Variants in NPAS3 observed in about 807,000 individuals in gnomAD.
The protein encoded by NPAS3 is neuronal PAS domain-containing protein 3.
A neutral mutation model predicts 73.1 loss-of-function variants in NPAS3; 14 were observed. The observed-to-expected ratio is 0.19, with a 90% CI of 0.13 to 0.30. NPAS3 has a LOEUF of 0.30. Among genes scored for constraint, NPAS3 ranks in the 10% least tolerant of loss-of-function variants. NPAS3 has a pLI of 1.00. For missense variants in NPAS3, 1,096 were observed against 1,250.0 expected (o/e 0.88, Z 1.86); for synonymous variants, 620 against 541.5 (o/e 1.14, Z -2.01).
chr14:33,597,823 G>A (rs2057290419), intron 5 of NPAS3, among the ~76,000 whole-genome samples: 1 of 152,122 alleles, frequency 6.6e-6, no homozygotes, highest in Admixed American at 6.6e-5. Context: ...GCCTTGAATT[G>A]GAATTTTTCA....
chr14:33,356,697 T>C (rs140890376), intron 3 of NPAS3, among the ~76,000 whole-genome samples: 215 of 152,366 alleles, frequency 1.4e-3, no homozygotes, highest in African/African-American at 4.8e-3. Flanking sequence ...TTGGGGTCTA[T>C]GGCTGTGTTT....
chr14:33,456,049 T>C (rs892822929), intron 4 of NPAS3, among the ~76,000 whole-genome samples: 1 of 152,234 alleles, frequency 6.6e-6, no homozygotes, highest in African/African-American at 2.4e-5. Context: ...TTGTCATGTA[T>C]TGATGATCCC....
At chr14:33,248,656 A>T (rs938670461) in intron 3 of NPAS3, among the ~76,000 whole-genome samples, 1 of 152,182 alleles carries the variant, frequency 6.6e-6, no homozygotes, top group Non-Finnish European at 1.5e-5. Context: ...TCCACAGTAA[A>T]GGTTTCATGT....
intron 5 of NPAS3, among the ~76,000 whole-genome samples, chr14:33,624,418 C>A (rs1942737676): frequency 6.6e-6 from 1 of 152,110 alleles, no homozygotes; most frequent in Non-Finnish European, 1.5e-5. Flanking sequence ...TTGTGAATCT[C>A]TGAAATTGAC....
chr14:33,754,958 G>A (rs1253308593), intron 7 of NPAS3, among the ~76,000 whole-genome samples: 1 of 152,162 alleles, frequency 6.6e-6, no homozygotes. Flanking sequence ...CTTTAGATAG[G>A]GACAGTGAGA....
chr14:33,572,750 C>T (rs1037553641), intron 5 of NPAS3, among the ~76,000 whole-genome samples: 3 of 152,074 alleles, frequency 2.0e-5, no homozygotes, highest in South Asian at 2.1e-4. Flanking sequence ...CTTGGCCAGG[C>T]GCAGTGGCAC....
At chr14:33,617,679 G>A (rs1469834099) in intron 5 of NPAS3, among the ~76,000 whole-genome samples, 1 of 152,192 alleles carries the variant, frequency 6.6e-6, no homozygotes, top group African/African-American at 2.4e-5. Context: ...GAATGAATGG[G>A]CAAAAGCTGT....
At chr14:33,542,229 G>A (rs2054554514) in intron 4 of NPAS3, among the ~76,000 whole-genome samples, 1 of 152,168 alleles carries the variant, frequency 6.6e-6, no homozygotes, top group African/African-American at 2.4e-5. Flanking sequence ...CGTTTAGGCA[G>A]GGTCTTTCTC....
intron 6 of NPAS3, among the ~76,000 whole-genome samples, chr14:33,700,779 T>G (rs2060503919): frequency 6.6e-6 from 1 of 152,228 alleles, no homozygotes. Context: ...AGTATTTTAT[T>G]GAAATGGGGT....
chr14:33,388,348 T>A (rs1046661606), intron 4 of NPAS3, among the ~76,000 whole-genome samples: 4 of 152,126 alleles, frequency 2.6e-5, no homozygotes, highest in African/African-American at 7.2e-5. Context: ...GATTTCAGCA[T>A]GATGGGCAGG....
intron 6 of NPAS3, among the ~76,000 whole-genome samples, chr14:33,683,424 T>C (rs1388377137): frequency 2.8e-5 from 2 of 71,330 alleles, no homozygotes; most frequent in Non-Finnish European, 4.9e-5. Context: ...TTTTTCCTCA[T>C]TTCAAAAAAA....
chr14:33,540,774 T>C (rs1366471378), intron 4 of NPAS3, among the ~76,000 whole-genome samples: 1 of 152,022 alleles, frequency 6.6e-6, no homozygotes, highest in African/African-American at 2.4e-5. Flanking sequence ...GAAAATAAAA[T>C]GTAAACATAA....
At chr14:33,339,841 T>C (rs2044390313) in intron 3 of NPAS3, among the ~76,000 whole-genome samples, 1 of 152,228 alleles carries the variant, frequency 6.6e-6, no homozygotes, top group South Asian at 2.1e-4. Flanking sequence ...TAAGAAAATC[T>C]AATGTCTATA....
chr14:33,774,206 G>A (rs1329541242), intron 7 of NPAS3, 131 bp from the exon 8 acceptor site: 2 of 656,138 alleles, frequency 3.0e-6, no homozygotes, highest in East Asian at 2.8e-5. Flanking sequence ...CATGCCGACA[G>A]CCATTATGAT....
intron 3 of NPAS3, among the ~76,000 whole-genome samples, chr14:33,311,733 A>G (rs2043010555): frequency 6.6e-6 from 1 of 152,158 alleles, no homozygotes; most frequent in Non-Finnish European, 1.5e-5. Context: ...CTTTCCAGGA[A>G]TTCAGTCTGG....
intron 2 of NPAS3, among the ~76,000 whole-genome samples, chr14:33,130,513 T>C (rs1336128248): frequency 6.6e-6 from 1 of 152,208 alleles, no homozygotes; most frequent in Non-Finnish European, 1.5e-5. Flanking sequence ...TTCTATGACA[T>C]CTGAGATTCC....
intron 5 of NPAS3, among the ~76,000 whole-genome samples, chr14:33,656,633 AT>A (rs1308348996): frequency 2.6e-5 from 4 of 152,204 alleles, no homozygotes; most frequent in African/African-American, 9.6e-5. Context: ...TGATATACAT[AT>A]TCATAATGAA....
chr14:33,570,606 A>G (rs1436525479), intron 5 of NPAS3, among the ~76,000 whole-genome samples: 1 of 152,226 alleles, frequency 6.6e-6, no homozygotes, highest in East Asian at 1.9e-4. Context: ...CTACATTTCA[A>G]AACCTTTTCA....
At chr14:33,638,089 T>G (rs367619314) in intron 5 of NPAS3, among the ~76,000 whole-genome samples, 1 of 152,256 alleles carries the variant, frequency 6.6e-6, no homozygotes, top group Non-Finnish European at 1.5e-5. Context: ...GCTGATTCTA[T>G]GTTGGTGACA....
Sources: gnomAD v4.1 joint callset for allele counts (sites outside exome capture counted in the v4.1 genomes callset) on GRCh38, gnomAD v4.1.1 for gene constraint, MANE v1.5 for transcripts, NCBI Gene and HGNC (gene_info 2026-07-23, HGNC 2026-07-21) for gene names.